The following GRIP1 variants were observed in gnomAD, a reference collection of about 807,000 sequenced individuals.
The protein encoded by GRIP1 is glutamate receptor-interacting protein 1.
GRIP1 carries 45 observed loss-of-function variants against 129.9 expected under a neutral mutation model. The ratio of observed to expected loss-of-function variants is 0.35; its 90% CI spans 0.27 to 0.44. The LOEUF (loss-of-function observed/expected upper bound fraction) is 0.44. GRIP1 is among the 20% of genes least tolerant of loss of function. GRIP1 has a pLI of 1.00. For synonymous variants in GRIP1, 530 were observed against 520.8 expected (o/e 1.02, Z -0.24); for missense variants, 1,196 against 1,396.8 (o/e 0.86, Z 2.29).
At chr12:66,478,098 A>G (rs1213424716) in intron 7 of GRIP1, among the ~76,000 whole-genome samples, 3 of 152,240 alleles carry the variant, frequency 2.0e-5, no homozygotes. Flanking sequence ...GGCAACCTAC[A>G]GAATAGGAGA....
intron 1 of GRIP1, among the ~76,000 whole-genome samples, chr12:66,766,385 C>G (rs569257994): frequency 6.6e-6 from 1 of 152,292 alleles, no homozygotes; most frequent in African/African-American, 2.4e-5. Flanking sequence ...GGCTGGTATT[C>G]CAGGGACAGC....
chr12:66,546,909 T>C (rs1326120098), intron 2 of GRIP1, among the ~76,000 whole-genome samples: 2 of 151,952 alleles, frequency 1.3e-5, no homozygotes, highest in African/African-American at 4.8e-5. Flanking sequence ...AATCAGCAAA[T>C]TGGACTTCAT....
intron 1 of GRIP1, among the ~76,000 whole-genome samples, chr12:66,842,058 T>C (rs2039728196): frequency 5.3e-5 from 8 of 152,270 alleles, no homozygotes. Context: ...TCAAGTACTT[T>C]GATGTCAGTC....
chr12:67,028,193 T>C (rs954449286), intron 1 of GRIP1, among the ~76,000 whole-genome samples: 7 of 152,216 alleles, frequency 4.6e-5, no homozygotes. Flanking sequence ...AAAGGGACTG[T>C]CTCCATCCCT....
At chr12:66,805,972 T>A (rs566163319), upstream of GRIP1, among the ~76,000 whole-genome samples, 5 of 133,816 alleles carry the variant, frequency 3.7e-5, no homozygotes, top group Non-Finnish European at 8.4e-5. Flanking sequence ...GGTTTCTTTT[T>A]TTTTTCTTTT....
chr12:66,992,873 G>A (rs909732532), intron 1 of GRIP1, among the ~76,000 whole-genome samples: 1 of 152,208 alleles, frequency 6.6e-6, no homozygotes, highest in Non-Finnish European at 1.5e-5. Flanking sequence ...AGCACTTTGG[G>A]AGGCCAAGGC....
chr12:66,476,238 C>G (rs1379661603), intron 7 of GRIP1, among the ~76,000 whole-genome samples: 1 of 152,178 alleles, frequency 6.6e-6, no homozygotes, highest in South Asian at 2.1e-4. Context: ...CTATAAACAC[C>G]TCTATGCAAA....
At chr12:66,472,920 AG>A (rs1316042242) in intron 7 of GRIP1, among the ~76,000 whole-genome samples, 2 of 152,172 alleles carry the variant, frequency 1.3e-5, no homozygotes, top group Admixed American at 6.5e-5. Flanking sequence ...ACACTGAGCT[AG>A]CTACAGAAGT....
chr12:67,023,967 C>T (rs1372570782), intron 1 of GRIP1, among the ~76,000 whole-genome samples: 1 of 151,856 alleles, frequency 6.6e-6, no homozygotes, highest in Non-Finnish European at 1.5e-5. Context: ...AAGCAGATTA[C>T]AGATTAGCTC....
chr12:66,401,087 CCTGAAGGCAGGAGGGTGG>C (rs2056970415), intron 16 of GRIP1, among the ~76,000 whole-genome samples: 1 of 152,126 alleles, frequency 6.6e-6, no homozygotes, highest in Non-Finnish European at 1.5e-5. Flanking sequence ...TGCAGAAGCT[CCTGAAGGCAGGAGGGTGG>C]CTGAATTCAG....
intron 1 of GRIP1, among the ~76,000 whole-genome samples, chr12:66,829,494 C>T (rs559402571): frequency 6.6e-6 from 1 of 152,214 alleles, no homozygotes; most frequent in Admixed American, 6.5e-5. Flanking sequence ...GGTAATAACA[C>T]GACAGCCACA....
chr12:66,371,612 G>T, intron 23 of GRIP1, 82 bp downstream of exon 23: 1 of 877,946 alleles, frequency 1.1e-6, no homozygotes, highest in East Asian at 2.4e-5. Context: ...GGATACCATT[G>T]CCATGCTTAC....
intron 1 of GRIP1, among the ~76,000 whole-genome samples, chr12:66,986,806 T>G (rs1021675297): frequency 1.3e-5 from 2 of 150,400 alleles, no homozygotes; most frequent in Non-Finnish European, 3.0e-5. Context: ...TGTGCACATG[T>G]ACCCTAAAAC....
At chr12:66,630,509 A>G (rs533890547) in intron 1 of GRIP1, among the ~76,000 whole-genome samples, 1 of 131,636 alleles carries the variant, frequency 7.6e-6, no homozygotes, top group African/African-American at 2.9e-5. Context: ...TTTGAGTGAA[A>G]GAATGAATCG....
At chr12:67,023,178 G>T (rs2042893035) in intron 1 of GRIP1, among the ~76,000 whole-genome samples, 1 of 151,910 alleles carries the variant, frequency 6.6e-6, no homozygotes, top group Non-Finnish European at 1.5e-5. Context: ...TTATGTTTTG[G>T]GATAACTTAT....
At position 66,644,488 on chromosome 12, in the gene GRIP1, C is replaced by T. The variant is rs2032196260; in HGVS notation, c.55+34362G>A. Among the ~76,000 whole-genome samples the T allele has an allele frequency of 2.6e-5, 4 of 152,110 alleles. No homozygotes were observed. The South Asian group carries it at 8.3e-4, about 32-fold the overall frequency. ...AAAACTGATACAGAAAAACTTTCTA[C>T]CACCAAACCTCAAAAGAAGATTGAA... is the stretch of plus-strand genomic sequence containing the variant. On this transcript the variant is annotated intron_variant, in intron 1 of 24. Transcript: ENST00000359742.
At chr12:66,951,032 G>T (rs1338711776) in intron 1 of GRIP1, among the ~76,000 whole-genome samples, 2 of 152,076 alleles carry the variant, frequency 1.3e-5, no homozygotes, top group Non-Finnish European at 2.9e-5. Flanking sequence ...CTTTATACAA[G>T]CACCATTTTA....
upstream of GRIP1, among the ~76,000 whole-genome samples, chr12:66,805,863 T>C (rs2038980039): frequency 6.6e-6 from 1 of 152,014 alleles, no homozygotes; most frequent in African/African-American, 2.4e-5. Flanking sequence ...GCCTTAGGAG[T>C]AAGTTTGTGG....
At chr12:66,592,643 A>T (rs1005500332) in intron 2 of GRIP1, among the ~76,000 whole-genome samples, 1 of 152,232 alleles carries the variant, frequency 6.6e-6, no homozygotes, top group Non-Finnish European at 1.5e-5. Flanking sequence ...AAGTCAAATA[A>T]GTAATATACT....
Sources: gnomAD v4.1 joint callset for allele counts (sites outside exome capture counted in the v4.1 genomes callset) on GRCh38, gnomAD v4.1.1 for gene constraint, MANE v1.5 for transcripts, NCBI Gene and HGNC (gene_info 2026-07-23, HGNC 2026-07-21) for gene names.